SNX25: variants seen among roughly 807,000 people sequenced by gnomAD.
SNX25 encodes sorting nexin-25.
A neutral mutation model predicts 113.7 loss-of-function variants in SNX25; 62 were observed. That is an observed-to-expected ratio of 0.55 (90% CI 0.44 to 0.67). SNX25 has a LOEUF of 0.67. Among genes scored for constraint, SNX25 ranks in the 30% least tolerant of loss-of-function variants. The pLI is 0.00. For synonymous variants in SNX25, 421 were observed against 436.2 expected (o/e 0.97, Z 0.43); for missense variants, 1,014 against 1,161.0 (o/e 0.87, Z 1.84).
intron 7 of SNX25, among the ~76,000 whole-genome samples, chr4:185,314,398 A>G (rs1398652902): frequency 6.6e-6 from 1 of 152,030 alleles, no homozygotes; most frequent in African/African-American, 2.4e-5. Flanking sequence ...GAAAGAAAAA[A>G]GATACAAATT....
At chr4:185,336,200 G>A (rs1357637251) in intron 10 of SNX25, among the ~76,000 whole-genome samples, 2 of 152,116 alleles carry the variant, frequency 1.3e-5, no homozygotes, top group African/African-American at 4.8e-5. Context: ...TACGTTTTTA[G>A]GGAGCAGGTG....
downstream of SNX25, among the ~76,000 whole-genome samples, chr4:185,368,447 C>T (rs2095399983): frequency 6.7e-6 from 1 of 149,552 alleles, no homozygotes; most frequent in Non-Finnish European, 1.5e-5. Flanking sequence ...AACCTGTTCC[C>T]TTCCTGCGGG....
At chr4:185,332,531 A>G (rs2095202665) in intron 9 of SNX25, 64 bp from the exon 10 acceptor site, 1 of 1,442,130 alleles carries the variant, frequency 6.9e-7, no homozygotes, top group East Asian at 2.3e-5. Flanking sequence ...GGGTATCGTG[A>G]CCGATAATAA....
chr4:185,244,288 C>T (rs754931667), intron 1 of SNX25, among the ~76,000 whole-genome samples: 3 of 152,200 alleles, frequency 2.0e-5, no homozygotes, highest in Non-Finnish European at 2.9e-5. Flanking sequence ...CCACCGCACC[C>T]GGCCAGGAAC....
chr4:185,212,239 A>C (rs1352611636), intron 1 of SNX25, among the ~76,000 whole-genome samples: 1 of 152,052 alleles, frequency 6.6e-6, no homozygotes, highest in Non-Finnish European at 1.5e-5. Context: ...CAGCCTCGGA[A>C]AGTGTTAGGA....
chr4:185,331,943 C>T (rs78694861), intron 9 of SNX25, among the ~76,000 whole-genome samples: 1 of 152,210 alleles, frequency 6.6e-6, no homozygotes, highest in Non-Finnish European at 1.5e-5. Context: ...AGCTAGATCT[C>T]AGCAATTCTC....
intron 2 of SNX25, among the ~76,000 whole-genome samples, chr4:185,253,761 G>A (rs1362161172): frequency 6.6e-6 from 1 of 152,162 alleles, no homozygotes; most frequent in African/African-American, 2.4e-5. Flanking sequence ...GAGCCACCAT[G>A]CCCAGCCTAC....
intron 1 of SNX25, among the ~76,000 whole-genome samples, chr4:185,222,833 A>G (rs888816569): frequency 2.0e-5 from 3 of 152,196 alleles, no homozygotes; most frequent in African/African-American, 7.2e-5. Flanking sequence ...CTCTCCCCTA[A>G]TAACTGTGAC....
intron 16 of SNX25, 61 bp downstream of exon 16, chr4:185,357,798 T>G: frequency 1.5e-6 from 2 of 1,339,864 alleles, no homozygotes; most frequent in Non-Finnish European, 2.1e-6. Flanking sequence ...GACAGTCAAA[T>G]TACCTTATGA....
intron 11 of SNX25, among the ~76,000 whole-genome samples, chr4:185,341,621 GC>G (rs1346669154): frequency 6.6e-6 from 1 of 152,150 alleles, no homozygotes; most frequent in Non-Finnish European, 1.5e-5. Flanking sequence ...CCACTTCCAA[GC>G]TTATTCAGAT....
intron 1 of SNX25, among the ~76,000 whole-genome samples, chr4:185,244,733 G>C (rs1744580358): frequency 6.6e-6 from 1 of 151,940 alleles, no homozygotes; most frequent in Non-Finnish European, 1.5e-5. Context: ...ATATTAATTT[G>C]AGCATAAAGG....
At chr4:185,354,833 G>C (rs2095332028) in intron 15 of SNX25, among the ~76,000 whole-genome samples, 1 of 152,230 alleles carries the variant, frequency 6.6e-6, no homozygotes, top group Non-Finnish European at 1.5e-5. Context: ...GTACCAGCTA[G>C]AGATATGGCA....
chr4:185,317,735 T>A (rs1434360631), intron 7 of SNX25, among the ~76,000 whole-genome samples: 1 of 151,570 alleles, frequency 6.6e-6, no homozygotes, highest in Non-Finnish European at 1.5e-5. Flanking sequence ...AGTAGAACAA[T>A]GAGAACACAT....
At chr4:185,346,024 A>G (rs1208346102) in intron 12 of SNX25, among the ~76,000 whole-genome samples, 1 of 152,008 alleles carries the variant, frequency 6.6e-6, no homozygotes, top group Non-Finnish European at 1.5e-5. Flanking sequence ...CGCCAGGCTA[A>G]TTTTTTGTAT....
At chr4:185,242,438 T>C (rs111839727) in intron 1 of SNX25, among the ~76,000 whole-genome samples, 16 of 152,286 alleles carry the variant, frequency 1.1e-4, no homozygotes, top group African/African-American at 3.6e-4. Context: ...CAGCTTCAAT[T>C]TGAGGTGCCC....
downstream of SNX25, chr4:185,373,138 A>T: frequency 7.0e-7 from 1 of 1,438,230 alleles, no homozygotes; most frequent in Non-Finnish European, 9.7e-7. Flanking sequence ...ATTATAAGGG[A>T]ATACTAGACA....
intron 6 of SNX25, among the ~76,000 whole-genome samples, chr4:185,306,822 A>G (rs1232374694): frequency 6.6e-6 from 1 of 152,218 alleles, no homozygotes; most frequent in Non-Finnish European, 1.5e-5. Context: ...TTAGTTTGCA[A>G]TAGACTAATT....
At chr4:185,357,417 G>A (rs749971010) in intron 15 of SNX25, among the ~76,000 whole-genome samples, 5 of 152,170 alleles carry the variant, frequency 3.3e-5, no homozygotes, top group Admixed American at 1.3e-4. Context: ...TTCCGCTTGC[G>A]AGCTCAGCTG....
chr4:185,378,083 G>C, the SNX25 span: 2 of 1,611,130 alleles, frequency 1.2e-6, no homozygotes, highest in Non-Finnish European at 1.7e-6. Context: ...ATTTGTACCA[G>C]TCTTTTCCTT....
Sources: gnomAD v4.1 joint callset for allele counts (sites outside exome capture counted in the v4.1 genomes callset) on GRCh38, gnomAD v4.1.1 for gene constraint, MANE v1.5 for transcripts, NCBI Gene and HGNC (gene_info 2026-07-23, HGNC 2026-07-21) for gene names.